Variants in KDM2B observed in about 807,000 individuals in gnomAD.
The protein encoded by KDM2B is lysine demethylase 2B.
A neutral mutation model predicts 150.0 loss-of-function variants in KDM2B; 26 were observed. The ratio of observed to expected loss-of-function variants is 0.17; its 90% CI spans 0.13 to 0.24. KDM2B has a LOEUF of 0.24. Among genes scored for constraint, KDM2B ranks in the 10% least tolerant of loss-of-function variants. The pLI is 1.00. For synonymous variants in KDM2B, 734 were observed against 729.5 expected (o/e 1.01, Z -0.10); for missense variants, 1,265 against 1,816.9 (o/e 0.70, Z 5.52).
intron 11 of KDM2B, among the ~76,000 whole-genome samples, chr12:121,505,324 A>C (rs1377377967): frequency 2.0e-5 from 3 of 151,408 alleles, no homozygotes; most frequent in African/African-American, 4.9e-5. Context: ...ACCTAATGCC[A>C]CTGACTTGGA....
At chr12:121,443,986 G>A in intron 16 of KDM2B, 26 bp downstream of exon 16, 1 of 1,581,452 alleles carries the variant, frequency 6.3e-7, no homozygotes, top group South Asian at 1.2e-5. Context: ...CAACCCCTTT[G>A]CCTCCCAGCC....
chr12:121,552,900 T>C (rs1555312040), intron 4 of KDM2B, among the ~76,000 whole-genome samples: 1 of 151,878 alleles, frequency 6.6e-6, no homozygotes, highest in African/African-American at 2.4e-5. Context: ...GCCACTCAGA[T>C]TTTCCAGGAG....
intron 12 of KDM2B, among the ~76,000 whole-genome samples, chr12:121,454,593 G>C (rs938025732): frequency 3.3e-5 from 5 of 152,160 alleles, no homozygotes; most frequent in African/African-American, 1.2e-4. Context: ...GGATGGGAGA[G>C]CTTTTCTTGT....
In KDM2B at chr12:121,443,018, TG is replaced by T. The variant is rs1342338216; in HGVS notation, c.2577del (p.Glu861LysfsTer73). The T allele has an allele frequency of 6.2e-7, 1 of 1,613,012 alleles. No individual in the cohort carries two copies. Among genetic ancestry groups the T allele is most frequent in the Non-Finnish European group, 8.5e-7 (1 of 1,179,616 alleles). On this transcript the variant is annotated frameshift_variant, in exon 18 of 23. Transcript: ENST00000377071. LOFTEE classifies it high-confidence loss of function. ...LTYFQQQLKP[G>X]KEDKLFRKKR... ...TTTTTCCTGAAAAGCTTATCTTCTTTGCCAGGTTTGAGCTGTCACGAAAAAG... is the reference window on the plus strand; with the variant it reads ...TTTTTCCTGAAAAGCTTATCTTCTTTCCAGGTTTGAGCTGTCACGAAAAAG...
chr12:121,566,871 C>T (rs1253820195), intron 4 of KDM2B, among the ~76,000 whole-genome samples: 1 of 152,106 alleles, frequency 6.6e-6, no homozygotes, highest in African/African-American at 2.4e-5. Context: ...AGACAAGCCA[C>T]AAAGTGGGAG....
chr12:121,580,799 T>C lies in KDM2B; in HGVS notation c.113A>G (p.Glu38Gly), dbSNP rs782234645. 3 of 1,613,306 alleles carry C rather than the reference T, an allele frequency of 1.9e-6. No homozygotes were observed. In the African/African-American group the frequency reaches 4.0e-5, roughly 22 times the overall value. ...CCCCAACATTACCTGTGTGGCCGAC[T>C]CAAATTCAAAGCATTTTGTATATAT... ...TVIYTKCFEF[E>G]SATQRPIDRQ... The change falls in exon 1 of 23, where the codon GAG (glutamate) becomes GGG (glycine). Residue 38 changes from glutamate (E) to glycine (G), a missense_variant. Physicochemically the swap from Glu to Gly is moderately conservative, Grantham distance 98. Around this residue, in one of 11 missense-constraint regions of KDM2B, gnomAD observed 53 missense variants for 56.0 expected, o/e 0.95. Coordinates refer to ENST00000377071, the MANE Select transcript of KDM2B (RefSeq NM_032590.5).
chr12:121,548,204 T>C (rs1024900784), intron 6 of KDM2B, among the ~76,000 whole-genome samples: 2 of 151,914 alleles, frequency 1.3e-5, no homozygotes, highest in African/African-American at 4.8e-5. Context: ...GAGGCGGAGG[T>C]TGCAGTCAGC....
intron 4 of KDM2B, among the ~76,000 whole-genome samples, chr12:121,561,251 C>T (rs556479305): frequency 2.7e-4 from 41 of 152,274 alleles, no homozygotes; most frequent in Non-Finnish European, 4.6e-4. Context: ...ACGGGCGCGA[C>T]CCCAAACTCC....
chr12:121,557,959 G>A (rs572296274), intron 4 of KDM2B, among the ~76,000 whole-genome samples: 1 of 152,268 alleles, frequency 6.6e-6, no homozygotes, highest in African/African-American at 2.4e-5. Context: ...GGATCACGGG[G>A]CCAACACCTT....
intron 12 of KDM2B, among the ~76,000 whole-genome samples, chr12:121,456,644 C>G (rs577649758): frequency 6.6e-6 from 1 of 152,306 alleles, no homozygotes; most frequent in Non-Finnish European, 1.5e-5. Context: ...TGCCTCTGGC[C>G]TCCCTGCCCC....
chr12:121,445,834 G>A lies in KDM2B; in HGVS notation c.1960-416C>T, dbSNP rs191400400. ...AGAAAAGCCCCAAAGGAGCAGGGGC[G>A]TGAGCGCAGCCCAGATCCATGCGGA... On this transcript the variant is annotated intron_variant, in intron 13 of 22. Transcript: ENST00000377071. Among the ~76,000 whole-genome samples the A allele has an allele frequency of 2.8e-4, 43 of 152,320 alleles. 1 individual carries two copies. The highest frequency in any genetic ancestry group is 9.8e-4 in the Admixed American group (15 of 15,302).
chr12:121,483,554 G>A (rs1882392164), intron 12 of KDM2B, among the ~76,000 whole-genome samples: 1 of 151,710 alleles, frequency 6.6e-6, no homozygotes, highest in Non-Finnish European at 1.5e-5. Flanking sequence ...GTGTGTATCT[G>A]TAGTCCCAGG....
chr12:121,552,503 T>A (rs945834241), intron 4 of KDM2B, among the ~76,000 whole-genome samples: 6 of 151,916 alleles, frequency 3.9e-5, no homozygotes, highest in Non-Finnish European at 8.8e-5. Context: ...CAAAACCCTA[T>A]CTCTACTAAA....
chr12:121,566,805 AAACG>A lies in KDM2B; in HGVS notation c.397+7738_397+7741del, dbSNP rs1409799532. On this transcript the variant is annotated intron_variant, in intron 4 of 22. Coordinates refer to ENST00000377071, the MANE Select transcript of KDM2B (RefSeq NM_032590.5). ...AGCAAGACTCTGTCCTGAAACAAAC[AAACG>A]AACAAAACAAACCTTCTGCTCATTC... Among the ~76,000 whole-genome samples the A allele has an allele frequency of 2.6e-5, 4 of 152,174 alleles. No homozygotes were observed. The East Asian group carries it at 7.7e-4, about 29-fold the overall frequency.
chr12:121,490,611 C>T (rs964157744), intron 12 of KDM2B, among the ~76,000 whole-genome samples: 5 of 152,174 alleles, frequency 3.3e-5, no homozygotes, highest in African/African-American at 1.2e-4. Context: ...GTTCCTTCAC[C>T]CAGCCTGTAA....
At chr12:121,437,244 G>A (rs1399040196) in intron 22 of KDM2B, among the ~76,000 whole-genome samples, 3 of 151,850 alleles carry the variant, frequency 2.0e-5, no homozygotes, top group Non-Finnish European at 1.5e-5. Flanking sequence ...ATTCAATTCT[G>A]TTGTACCATT....
At chr12:121,418,211 A>C in the KDM2B span, 1 of 337,046 alleles carries the variant, frequency 3.0e-6, no homozygotes, top group Non-Finnish European at 5.5e-6. Context: ...AATGGCTGTG[A>C]AAAAGTAGCA....
At chr12:121,487,818 G>A (rs2140208437) in intron 12 of KDM2B, among the ~76,000 whole-genome samples, 1 of 149,286 alleles carries the variant, frequency 6.7e-6, no homozygotes, top group African/African-American at 2.5e-5. Flanking sequence ...TTTTGAGACA[G>A]GGTCTTGCCC....
chr12:121,501,987 A>G (rs1321326696), intron 11 of KDM2B, among the ~76,000 whole-genome samples: 2 of 152,162 alleles, frequency 1.3e-5, no homozygotes, highest in East Asian at 1.9e-4. Context: ...ACTGTTCTAC[A>G]TGTCAGTAAG....
Sources: allele counts gnomAD v4.1 joint callset (sites outside exome capture counted in the v4.1 genomes callset), GRCh38; gene constraint gnomAD v4.1.1; regional missense constraint gnomAD v4.1.1; transcripts MANE v1.5; gene names NCBI Gene and HGNC (gene_info 2026-07-23, HGNC 2026-07-21).